The following XDH variants were observed in gnomAD, a reference collection of about 807,000 sequenced individuals.
XDH encodes the protein xanthine dehydrogenase.
Under a neutral mutation model 156.1 loss-of-function variants are expected in XDH, and 138 were observed. The observed-to-expected ratio is 0.88, with a 90% CI of 0.77 to 1.02. The LOEUF (loss-of-function observed/expected upper bound fraction) is 1.02. Among genes scored for constraint, XDH ranks in the 50% least tolerant of loss-of-function variants. The pLI, the probability that XDH is intolerant of heterozygous loss-of-function variation, is 0.00. For synonymous variants in XDH, 669 were observed against 625.7 expected (o/e 1.07, Z -1.03); for missense variants, 1,849 against 1,684.9 (o/e 1.10, Z -1.71).
At chr2:31,341,946 GCTGT>G (rs1169463191) in intron 32 of XDH, among the ~76,000 whole-genome samples, 4 of 152,168 alleles carry the variant, frequency 2.6e-5, no homozygotes, top group African/African-American at 9.7e-5. Context: ...CTGTTTACAA[GCTGT>G]CTATGACTGC....
At chr2:31,392,407 T>G (rs1019840700) in intron 6 of XDH, among the ~76,000 whole-genome samples, 8 of 151,508 alleles carry the variant, frequency 5.3e-5, no homozygotes, top group African/African-American at 1.9e-4. Flanking sequence ...TTATTTGTAT[T>G]TTATTTTTAT....
chr2:31,410,585 CA>C (rs972066939), intron 1 of XDH, among the ~76,000 whole-genome samples: 2 of 152,060 alleles, frequency 1.3e-5, no homozygotes, highest in Admixed American at 6.5e-5. Context: ...AAGTTCGCAT[CA>C]CAAAAAAGAC....
At chr2:31,381,856 G>C (rs1686444382) in intron 11 of XDH, 130 bp from the exon 12 acceptor site, 1 of 795,392 alleles carries the variant, frequency 1.3e-6, no homozygotes, top group Non-Finnish European at 2.2e-6. Context: ...GCCTACTGTA[G>C]TCACAATACC....
At chr2:31,388,146 C>T in intron 7 of XDH, 81 bp downstream of exon 7, 1 of 1,515,712 alleles carries the variant, frequency 6.6e-7, no homozygotes, top group Non-Finnish European at 9.2e-7. Flanking sequence ...GCCCCCACCG[C>T]CAGGGACATG....
chr2:31,372,645 G>A (rs1379861308), intron 16 of XDH, among the ~76,000 whole-genome samples: 2 of 152,076 alleles, frequency 1.3e-5, no homozygotes, highest in Non-Finnish European at 2.9e-5. Context: ...TTGGGGATTG[G>A]GTAAATAAAT....
At chr2:31,404,675 C>T (rs1000688622) in intron 2 of XDH, among the ~76,000 whole-genome samples, 12 of 152,166 alleles carry the variant, frequency 7.9e-5, no homozygotes, top group Non-Finnish European at 1.2e-4. Context: ...CTTCCCAGAC[C>T]TCCCAGGTAG....
rs752704641 is a variant in XDH at position 31,383,738 on chromosome 2, AG to A, written c.886+16del. The A allele has an allele frequency of 1.2e-6, 2 of 1,611,796 alleles. No homozygotes were observed. Among genetic ancestry groups the A allele is most frequent in the Non-Finnish European group, 1.7e-6 (2 of 1,178,904 alleles). ...CCTCACAGCCCCTCCATAAGCTTGG[AG>A]TGAACCTCCTCTTACCGTCGGGTCC... On this transcript the variant is annotated intron_variant, in intron 10 of 35. Transcript: ENST00000379416.
intron 19 of XDH, among the ~76,000 whole-genome samples, chr2:31,368,317 T>C (rs1265604150): frequency 6.6e-6 from 1 of 152,030 alleles, no homozygotes; most frequent in Non-Finnish European, 1.5e-5. Flanking sequence ...GGAGGTAAAA[T>C]TTTGAGAAGG....
chr2:31,342,107 A>G (rs984457671), intron 32 of XDH, 76 bp downstream of exon 32: 5 of 1,332,242 alleles, frequency 3.8e-6, no homozygotes, highest in East Asian at 4.6e-5. Context: ...TCTTGTCTCT[A>G]TCAGCTCTAG....
chr2:31,369,856 C>T (rs773799284), intron 18 of XDH, among the ~76,000 whole-genome samples: 2 of 152,146 alleles, frequency 1.3e-5, no homozygotes, highest in Admixed American at 1.3e-4. Context: ...AAATGACTGT[C>T]GAGAACTATC....
At chr2:31,365,630 G>A in intron 22 of XDH, 86 bp from the exon 23 acceptor site, 1 of 1,521,120 alleles carries the variant, frequency 6.6e-7, no homozygotes. Context: ...CAGCCGGGAA[G>A]CCATCTTTTC....
intron 25 of XDH, 87 bp from the exon 26 acceptor site, chr2:31,349,918 C>T (rs1326024878): frequency 1.9e-6 from 3 of 1,611,846 alleles, no homozygotes; most frequent in Admixed American, 3.3e-5. Context: ...TTCCAACCCC[C>T]TCAGCAGCCC....
At chr2:31,407,341 T>A (rs1687220582) in intron 1 of XDH, among the ~76,000 whole-genome samples, 1 of 152,162 alleles carries the variant, frequency 6.6e-6, no homozygotes, top group South Asian at 2.1e-4. Context: ...CGGAGCTTGG[T>A]AGAGCAGAGG....
chr2:31,413,117 A>G (rs1392794573), intron 1 of XDH, among the ~76,000 whole-genome samples: 1 of 152,232 alleles, frequency 6.6e-6, no homozygotes, highest in Non-Finnish European at 1.5e-5. Flanking sequence ...AGGTTAACCA[A>G]TGGTTTGGTT....
chr2:31,387,750 G>T, intron 8 of XDH, 61 bp downstream of exon 8: 1 of 1,443,194 alleles, frequency 6.9e-7, no homozygotes, highest in African/African-American at 1.4e-5. Context: ...TGAAAATAAA[G>T]CAGGTTTCCA....
intron 6 of XDH, among the ~76,000 whole-genome samples, chr2:31,395,723 G>A (rs1199700645): frequency 1.3e-5 from 2 of 152,188 alleles, no homozygotes; most frequent in African/African-American, 2.4e-5. Context: ...CTGATATGCC[G>A]TGTCTGCCTG....
chr2:31,351,949 T>A (rs928450521), intron 24 of XDH, among the ~76,000 whole-genome samples: 1 of 152,314 alleles, frequency 6.6e-6, no homozygotes, highest in Admixed American at 6.5e-5. Flanking sequence ...GTTTCTAAAT[T>A]TCATAACATT....
intron 6 of XDH, among the ~76,000 whole-genome samples, chr2:31,392,513 T>C (rs1558310737): frequency 6.6e-6 from 1 of 152,002 alleles, no homozygotes; most frequent in Admixed American, 6.6e-5. Flanking sequence ...CAACCTCCAC[T>C]TCCTGGGTTC....
At chr2:31,377,432 C>G (rs1686274759) in intron 13 of XDH, among the ~76,000 whole-genome samples, 195 bp from the exon 14 acceptor site, 1 of 152,086 alleles carries the variant, frequency 6.6e-6, no homozygotes, top group South Asian at 2.1e-4. Flanking sequence ...GATAACATTC[C>G]CAGAAGCTGA....
Sources: gnomAD v4.1 joint callset for allele counts (sites outside exome capture counted in the v4.1 genomes callset) on GRCh38, gnomAD v4.1.1 for gene constraint, MANE v1.5 for transcripts, NCBI Gene and HGNC (gene_info 2026-07-23, HGNC 2026-07-21) for gene names.